TYW1: variants seen among roughly 807,000 people sequenced by gnomAD.
TYW1 encodes the protein S-adenosyl-L-methionine-dependent tRNA 4-demethylwyosine synthase TYW1.
A neutral mutation model predicts 96.2 loss-of-function variants in TYW1; 46 were observed. That is an observed-to-expected ratio of 0.48 (90% CI 0.38 to 0.61). The LOEUF is 0.61. Among genes scored for constraint, TYW1 ranks in the 20% least tolerant of loss-of-function variants. The probability of loss-of-function intolerance (pLI) is 0.00; values close to 1 mark genes in which losing one functional copy is unlikely to be tolerated. For synonymous variants in TYW1, 274 were observed against 323.0 expected, an observed-to-expected ratio of 0.85 and a Z score of 1.63; for missense variants, 684 against 909.6, an observed-to-expected ratio of 0.75 and a Z score of 3.19.
chr7:67,112,655 T>C (rs1055327522), intron 12 of TYW1, among the ~76,000 whole-genome samples: 1 of 151,816 alleles, frequency 6.6e-6, no homozygotes, highest in African/African-American at 2.4e-5. Context: ...AAATTAAGAA[T>C]ACAAACAGCT....
intron 15 of TYW1, among the ~76,000 whole-genome samples, chr7:67,199,358 G>A (rs1280649534): frequency 6.6e-6 from 1 of 152,030 alleles, no homozygotes; most frequent in Non-Finnish European, 1.5e-5. Context: ...CATCTCCCTC[G>A]TTAGTGGTGA....
chr7:67,013,791 T>C (rs537439875), intron 4 of TYW1, among the ~76,000 whole-genome samples: 1 of 140,404 alleles, frequency 7.1e-6, no homozygotes, highest in East Asian at 2.4e-4. Flanking sequence ...TCGCCCAGGC[T>C]GGAGTGCAGT....
chr7:67,150,990 G>C (rs61386197), intron 13 of TYW1, among the ~76,000 whole-genome samples: 30,070 of 146,932 alleles, frequency 0.2, 482 homozygotes, highest in South Asian at 0.26. Context: ...GACCTCCCTA[G>C]AATTCAGCAG....
chr7:67,084,282 A>G (rs1257025637), intron 11 of TYW1, among the ~76,000 whole-genome samples: 2 of 152,212 alleles, frequency 1.3e-5, no homozygotes, highest in East Asian at 1.9e-4. Flanking sequence ...GGGATAATAT[A>G]AATAACAGTT....
At chr7:67,089,337 G>T in intron 11 of TYW1, 1 of 1,268,828 alleles carries the variant, frequency 7.9e-7, no homozygotes, top group East Asian at 2.3e-5. Context: ...CCTTCTCGAG[G>T]TGGCGGCCCT....
At chr7:67,107,093 T>A (rs781429158) in intron 12 of TYW1, among the ~76,000 whole-genome samples, 7 of 152,218 alleles carry the variant, frequency 4.6e-5, no homozygotes, top group Non-Finnish European at 8.8e-5. Context: ...TCTTTACGTA[T>A]TAGGTGCATA....
At chr7:67,025,777 A>G (rs1794431724) in intron 7 of TYW1, among the ~76,000 whole-genome samples, 1 of 152,188 alleles carries the variant, frequency 6.6e-6, no homozygotes. Context: ...TGTGTATACT[A>G]TACTATAAAA....
chr7:67,204,090 CTTTGGGTCTGTTGT>C (rs142855293), intron 15 of TYW1, among the ~76,000 whole-genome samples: 37,975 of 151,820 alleles, frequency 0.25, 4,895 homozygotes, highest in African/African-American at 0.3. Context: ...GACTGGATTT[CTTTGGGTCTGTTGT>C]TTTGGAGGCA....
intron 15 of TYW1, among the ~76,000 whole-genome samples, chr7:67,218,429 G>T (rs1395844052): frequency 6.6e-6 from 1 of 151,416 alleles, no homozygotes; most frequent in African/African-American, 2.4e-5. Flanking sequence ...TCTCAACTTG[G>T]TGCTACTTCC....
chr7:67,097,012 G>A (rs961295805), intron 11 of TYW1, among the ~76,000 whole-genome samples: 23 of 151,846 alleles, frequency 1.5e-4, no homozygotes, highest in African/African-American at 5.3e-4. Flanking sequence ...AATATGTTTG[G>A]GATATGGCCT....
chr7:67,004,809 G>A (rs536098203), intron 3 of TYW1, among the ~76,000 whole-genome samples: 25 of 152,168 alleles, frequency 1.6e-4, no homozygotes, highest in Non-Finnish European at 2.9e-4. Flanking sequence ...AGGCTGGAGT[G>A]CAGTGGTGCG....
At chr7:67,141,459 A>G (rs1212088159) in intron 13 of TYW1, among the ~76,000 whole-genome samples, 1 of 152,250 alleles carries the variant, frequency 6.6e-6, no homozygotes, top group Non-Finnish European at 1.5e-5. Flanking sequence ...TACAGTGGCT[A>G]CTGAAAAGCA....
Position 67,067,124 on chromosome 7 carries a change from A to G in TYW1, c.1156-161A>G, listed in dbSNP as rs1795890501. On this transcript the variant is annotated intron_variant, in intron 9 of 15. Coordinates refer to ENST00000359626, the MANE Select transcript of TYW1 (RefSeq NM_018264.4). ...TAGTAAAAACCCAAAGCACTGCCAA[A>G]ACACTGAAATGCTCTGATGCGAATT... 7.8e-6 allele frequency: 6 copies of G among 773,678 alleles called. No homozygotes were observed. In the South Asian group the frequency reaches 1.1e-4, roughly 14 times the overall value. The allele number at this position is 773,678 out of a possible 1,614,324, so 47.9% of individuals were successfully genotyped here.
chr7:67,073,767 CAAAAAAAAAAAAAAA>C (rs71526599), intron 10 of TYW1, among the ~76,000 whole-genome samples: 6 of 42,322 alleles, frequency 1.4e-4, no homozygotes, highest in Non-Finnish European at 2.0e-4. Context: ...CGAGACTCTT[CAAAAAAAAAAAAAAA>C]AAAAAAAAAA....
chr7:67,074,224 A>G (rs1236143191), intron 10 of TYW1, among the ~76,000 whole-genome samples: 1 of 152,216 alleles, frequency 6.6e-6, no homozygotes, highest in Non-Finnish European at 1.5e-5. Flanking sequence ...TATTGGGATC[A>G]CATCATACTT....
intron 15 of TYW1, among the ~76,000 whole-genome samples, chr7:67,214,592 A>C (rs1801147933): frequency 6.6e-6 from 1 of 152,130 alleles, no homozygotes; most frequent in South Asian, 2.1e-4. Flanking sequence ...TTAATGGGGG[A>C]ATATCTAGCT....
At chr7:67,048,883 G>A (rs560141648) in intron 7 of TYW1, among the ~76,000 whole-genome samples, 87 of 152,350 alleles carry the variant, frequency 5.7e-4, no homozygotes, top group African/African-American at 2.0e-3. Context: ...AAAAAAATTA[G>A]CATGCCTGTA....
intron 11 of TYW1, among the ~76,000 whole-genome samples, chr7:67,085,756 G>T (rs77200780): frequency 2.6e-5 from 4 of 152,060 alleles, no homozygotes; most frequent in East Asian, 1.9e-4. Context: ...ATCACCTGAC[G>T]TCAGGAGTTC....
intron 13 of TYW1, among the ~76,000 whole-genome samples, chr7:67,181,786 C>T (rs1003279342): frequency 1.3e-5 from 2 of 152,074 alleles, no homozygotes; most frequent in Admixed American, 1.3e-4. Context: ...GGTCCTGCAC[C>T]TACTCAAGGG....
Sources: allele counts gnomAD v4.1 joint callset (sites outside exome capture counted in the v4.1 genomes callset), GRCh38; gene constraint gnomAD v4.1.1; transcripts MANE v1.5; gene names NCBI Gene and HGNC (gene_info 2026-07-23, HGNC 2026-07-21).